MYO5A: variants seen among roughly 807,000 people sequenced by gnomAD.
MYO5A encodes the protein unconventional myosin-Va.
In MYO5A, 98 loss-of-function variants were observed where a neutral mutation model predicts 249.7. The observed-to-expected ratio is 0.39, with a 90% CI of 0.33 to 0.46. The LOEUF is 0.46. Among genes scored for constraint, MYO5A ranks in the 20% least tolerant of loss-of-function variants. MYO5A has a pLI of 0.98. For missense variants in MYO5A, 1,696 were observed against 2,308.8 expected (o/e 0.73, Z 5.44); for synonymous variants, 778 against 810.6 (o/e 0.96, Z 0.68).
chr15:52,418,481 G>A (rs2043624292), intron 4 of MYO5A, among the ~76,000 whole-genome samples: 1 of 152,058 alleles, frequency 6.6e-6, no homozygotes, highest in African/African-American at 2.4e-5. Flanking sequence ...CTATAAAAAA[G>A]GTCTATCTAA....
chr15:52,450,178 G>A (rs1401226630), intron 1 of MYO5A, among the ~76,000 whole-genome samples: 1 of 151,836 alleles, frequency 6.6e-6, no homozygotes, highest in Non-Finnish European at 1.5e-5. Flanking sequence ...AATAGTTCAG[G>A]ATAAGACTTT....
At chr15:52,381,763 GTC>G (rs1166176936) in intron 16 of MYO5A, among the ~76,000 whole-genome samples, 3,139 of 150,382 alleles carry the variant, frequency 0.021, 85 homozygotes, top group African/African-American at 0.073. Flanking sequence ...CTCCTTTTGT[GTC>G]TCTCTCTCTC....
intron 25 of MYO5A, among the ~76,000 whole-genome samples, chr15:52,356,950 T>C (rs1456523907): frequency 6.6e-6 from 1 of 151,994 alleles, no homozygotes; most frequent in Non-Finnish European, 1.5e-5. Flanking sequence ...TTATAGGCTG[T>C]CAAAGTCATT....
At chr15:52,426,823 G>A (rs1406582805) in intron 3 of MYO5A, among the ~76,000 whole-genome samples, 2 of 152,060 alleles carry the variant, frequency 1.3e-5, no homozygotes, top group African/African-American at 4.8e-5. Flanking sequence ...TTCTGTAGGT[G>A]TATATTAACT....
intron 1 of MYO5A, among the ~76,000 whole-genome samples, chr15:52,485,656 T>C (rs1024131953): frequency 2.0e-5 from 3 of 152,204 alleles, no homozygotes; most frequent in South Asian, 2.1e-4. Context: ...TAATGTAATT[T>C]TTCACATCAT....
chr15:52,336,187 T>C (rs973233345), intron 34 of MYO5A, among the ~76,000 whole-genome samples: 17 of 152,238 alleles, frequency 1.1e-4, no homozygotes, highest in African/African-American at 3.9e-4. Context: ...ACTCCTATGC[T>C]ATACTGCCTA....
intron 36 of MYO5A, 138 bp downstream of exon 36, chr15:52,327,714 T>C (rs770201847): frequency 3.2e-5 from 29 of 914,566 alleles, no homozygotes; most frequent in Non-Finnish European, 4.6e-5. Flanking sequence ...TGTCTCAAAA[T>C]AGATAGGTAA....
In MYO5A at chr15:52,423,508, C is replaced by T. The variant is rs561668335; in HGVS notation, c.455+2322G>A. On this transcript the variant is annotated intron_variant, in intron 4 of 41. Coordinates refer to ENST00000399233, the MANE Select transcript of MYO5A (RefSeq NM_001382347.1). ...CGGAGGTTGCAGTGAGCTGAGATTG[C>T]GCCACTGCACTCCAGCTTGGGTGAC... 6.0e-5 allele frequency among the ~76,000 whole-genome samples: 9 copies of T among 150,868 alleles called. No individual in the cohort carries two copies. In the South Asian group the frequency reaches 1.3e-3, roughly 21 times the overall value.
intron 14 of MYO5A, 23 bp from the exon 15 acceptor site, chr15:52,384,345 A>T: frequency 6.2e-7 from 1 of 1,612,430 alleles, no homozygotes; most frequent in Non-Finnish European, 8.5e-7. Flanking sequence ...CAATATAAAG[A>T]AATTACATTC....
intron 1 of MYO5A, among the ~76,000 whole-genome samples, chr15:52,457,804 G>A (rs1048925525): frequency 1.3e-5 from 2 of 152,118 alleles, no homozygotes; most frequent in African/African-American, 4.8e-5. Flanking sequence ...AAGCATATCT[G>A]CACCCTCATG....
intron 20 of MYO5A, among the ~76,000 whole-genome samples, chr15:52,375,016 A>AT (rs1240897467): frequency 2.6e-5 from 4 of 152,176 alleles, no homozygotes; most frequent in Non-Finnish European, 5.9e-5. Flanking sequence ...ACAATGGCTC[A>AT]TACCTATAAT....
intron 1 of MYO5A, among the ~76,000 whole-genome samples, chr15:52,510,852 G>A (rs1224541144): frequency 6.6e-6 from 1 of 152,210 alleles, no homozygotes; most frequent in Non-Finnish European, 1.5e-5. Flanking sequence ...TTACAAATGA[G>A]TCTTACAGAT....
Position 52,389,243 on chromosome 15 carries a change from C to G in MYO5A, c.1663G>C (p.Asp555His). ...NKAFIIQHFA[D>H]KVEYQCEGFL... is the part of the protein sequence containing the mutation. ...CTGATATAAAGCTTCCTTACTTTGTCAGCAAAATGTTGGATGATGAAAGCT... is the reference window on the plus strand; with the variant it reads ...CTGATATAAAGCTTCCTTACTTTGTGAGCAAAATGTTGGATGATGAAAGCT... Residue 555 changes from aspartate to histidine, a missense_variant, in exon 13 of 42, where the codon GAC becomes CAC. Transcript: ENST00000399233. The G allele has an allele frequency of 6.2e-7, 1 of 1,613,040 alleles. No homozygotes were observed. Among genetic ancestry groups the G allele is most frequent in the Non-Finnish European group, 8.5e-7 (1 of 1,179,334 alleles).
intron 3 of MYO5A, among the ~76,000 whole-genome samples, chr15:52,426,436 A>ATC (rs2075396148): frequency 6.6e-6 from 1 of 152,064 alleles, no homozygotes; most frequent in Non-Finnish European, 1.5e-5. Context: ...TCCATATGAT[A>ATC]GACTACTAAG....
In MYO5A at chr15:52,387,798, C is replaced by T. The variant is rs1235222667; in HGVS notation, c.1752+31G>A. On this transcript the variant is annotated intron_variant, in intron 14 of 41. Transcript: ENST00000399233. ...TAAAAAGCTAATGCTTTGCATACAT[C>T]CTGGATTAGAGTAAGCCTATCCATA... 3.4e-6 allele frequency: 5 copies of T among 1,454,838 alleles called. No homozygotes were observed. In the South Asian group the frequency reaches 5.7e-5, roughly 17 times the overall value. 90.1% of individuals were successfully genotyped at this position (1,454,838 alleles called of 1,614,324 possible).
At chr15:52,482,657 AT>A (rs770304680) in intron 1 of MYO5A, among the ~76,000 whole-genome samples, 5 of 152,002 alleles carry the variant, frequency 3.3e-5, no homozygotes, top group South Asian at 2.1e-4. Context: ...TTTTTTTTTA[AT>A]AAAAGGTAAG....
intron 1 of MYO5A, among the ~76,000 whole-genome samples, chr15:52,475,027 T>A (rs1253034952): frequency 2.6e-5 from 4 of 152,220 alleles, no homozygotes; most frequent in African/African-American, 9.7e-5. Flanking sequence ...TGGACTTTTT[T>A]TGGTTGGTAG....
intron 1 of MYO5A, among the ~76,000 whole-genome samples, chr15:52,466,589 C>T (rs946879844): frequency 6.6e-6 from 1 of 152,192 alleles, no homozygotes; most frequent in Admixed American, 6.5e-5. Flanking sequence ...GGCTGTGAAG[C>T]TAGAACCACC....
At chr15:52,328,113 G>A (rs902565586) in intron 35 of MYO5A, 107 bp from the exon 36 acceptor site, 1 of 887,962 alleles carries the variant, frequency 1.1e-6, no homozygotes, top group Non-Finnish European at 1.8e-6. Context: ...ATCATTCAAG[G>A]TAAGTAGGTA....
Sources: allele counts gnomAD v4.1 joint callset (sites outside exome capture counted in the v4.1 genomes callset), GRCh38; gene constraint gnomAD v4.1.1; transcripts MANE v1.5; gene names NCBI Gene and HGNC (gene_info 2026-07-23, HGNC 2026-07-21).